Variants in SPATA31D1 observed in about 807,000 individuals in gnomAD.
The protein encoded by SPATA31D1 is SPATA31 subfamily D member 1.
Under a neutral mutation model 13.2 loss-of-function variants are expected in SPATA31D1, and 6 were observed. That is an observed-to-expected ratio of 0.46 (90% CI 0.25 to 0.90). SPATA31D1 has a LOEUF of 0.90. Ranked by LOEUF, SPATA31D1 falls within the 40% of genes least tolerant of loss-of-function variation. The pLI, the probability that SPATA31D1 is intolerant of heterozygous loss-of-function variation, is 0.18. For synonymous variants in SPATA31D1, 903 were observed against 718.8 expected, an observed-to-expected ratio of 1.26 and a Z score of -4.10; for missense variants, 2,445 against 1,884.7, an observed-to-expected ratio of 1.30 and a Z score of -5.50.
chr9:81,987,999 T>G (rs1824884702), upstream of SPATA31D1, among the ~76,000 whole-genome samples: 1 of 152,182 alleles, frequency 6.6e-6, no homozygotes, highest in African/African-American at 2.4e-5. Flanking sequence ...TAAACAGAAC[T>G]GTGCATGCGG....
intron 1 of SPATA31D1, 87 bp from the exon 2 acceptor site, chr9:81,989,691 T>A: frequency 7.9e-7 from 1 of 1,269,064 alleles, no homozygotes; most frequent in East Asian, 2.4e-5. Context: ...GTATAATGAA[T>A]GAATGAATGA....
chr9:81,990,828 T>A lies in SPATA31D1; in HGVS notation c.358T>A (p.Phe120Ile), dbSNP rs201973001. Reference sequence around the variant, plus strand: ...GGGCCAGCATCATGATACCAACCACTTTCGTCGACTGTTATGCCCAGACCC... The same window carrying A: ...GGGCCAGCATCATGATACCAACCACATTCGTCGACTGTTATGCCCAGACCC... ...PRGQHHDTNH[F>I]RRLLCPDPVC... The change falls in exon 4 of 4, where the codon TTT becomes ATT. Residue 120 changes from phenylalanine to isoleucine, a missense_variant. Transcript: ENST00000344803. 7.6e-4 allele frequency: 1,228 copies of A among 1,613,828 alleles called. 13 individuals carry two copies. Among genetic ancestry groups the A allele is most frequent in the Non-Finnish European group, 1.5e-4 (182 of 1,179,808 alleles).
intron 3 of SPATA31D1, 95 bp from the exon 4 acceptor site, chr9:81,990,678 G>C (rs1824934353): frequency 2.0e-6 from 3 of 1,472,574 alleles, no homozygotes; most frequent in Middle Eastern, 1.8e-4. Context: ...GTGAGGTCCT[G>C]GGTTGGGGGC....
chr9:81,990,711 T>C (rs1373929234), intron 3 of SPATA31D1, 62 bp from the exon 4 acceptor site: 4 of 1,543,278 alleles, frequency 2.6e-6, no homozygotes, highest in African/African-American at 1.4e-5. Flanking sequence ...GCAGCAGGCT[T>C]TAGGGAACCC....
chr9:81,993,141 G>A lies in SPATA31D1; in HGVS notation c.2671G>A (p.Glu891Lys). The A allele has an allele frequency of 6.2e-7, 1 of 1,613,952 alleles. No individual in the cohort carries two copies. The highest frequency in any genetic ancestry group is 8.5e-7 in the Non-Finnish European group (1 of 1,179,874). The change falls in exon 4 of 4, where the codon GAA becomes AAA. Residue 891 changes from glutamate to lysine, a missense_variant. Physicochemically the swap from Glu to Lys is moderately conservative, Grantham distance 56 (BLOSUM62 1). Coordinates refer to ENST00000344803, the MANE Select transcript of SPATA31D1 (RefSeq NM_001001670.3). ...GGACCACTGCGTTGATACTTCCCAG[G>A]AAATTTCCTTCCTTAGTTCCAACAA... is the stretch of plus-strand genomic sequence containing the variant. Reference protein sequence around the residue: ...SEDHCVDTSQEISFLSSNKQK... With the variant: ...SEDHCVDTSQKISFLSSNKQK...
chr9:81,992,633 G>A lies in SPATA31D1; in HGVS notation c.2163G>A (p.Glu721=). The A allele has an allele frequency of 6.2e-7, 1 of 1,613,638 alleles. No individual in the cohort carries two copies. The highest frequency in any genetic ancestry group is 8.5e-7 in the Non-Finnish European group (1 of 1,179,738). The stretch of plus-strand genomic sequence containing the variant: ...TACGTCCTCAGAGCAAAATTTCAGA[G>A]CTATCTGTGTCAGAGAGAATTCATG... ...SLLRPQSKIS[E]LSVSERIHGP... Residue 721 remains glutamate (E), a synonymous_variant, in exon 4 of 4, where the codon GAG becomes GAA. Coordinates refer to ENST00000344803, the MANE Select transcript of SPATA31D1 (RefSeq NM_001001670.3).
chr9:81,990,694 G>C, intron 3 of SPATA31D1, 79 bp from the exon 4 acceptor site: 1 of 1,515,416 alleles, frequency 6.6e-7, no homozygotes, highest in Non-Finnish European at 8.9e-7. Context: ...GGGGCAATGT[G>C]ATATGGGCAG....
Position 81,991,017 on chromosome 9 carries a change from G to A in SPATA31D1, c.547G>A (p.Asp183Asn), listed in dbSNP as rs1824943829. ...CACCCCCTCAGCAACCCCTCCAGAA[G>A]ACCTAATACTGTCCCCTCGGCCTAA... Reference protein sequence around the residue: ...ASTPSATPPEDLILSPRPKAS... With the variant: ...ASTPSATPPENLILSPRPKAS... The change falls in exon 4 of 4, where the codon GAC becomes AAC. Residue 183 changes from aspartate (D) to asparagine (N), a missense_variant. Asp to Asn is a conservative substitution (Grantham distance 23, BLOSUM62 1). Coordinates refer to ENST00000344803, the MANE Select transcript of SPATA31D1 (RefSeq NM_001001670.3). The A allele has an allele frequency of 2.5e-6, 4 of 1,613,636 alleles. No individual in the cohort carries two copies. In the East Asian group the frequency reaches 6.7e-5, roughly 27 times the overall value.
At position 81,992,594 on chromosome 9, in the gene SPATA31D1, G is replaced by A; in HGVS notation, c.2124G>A (p.Glu708=). The change falls in exon 4 of 4, where the codon GAG becomes GAA. Residue 708 remains glutamate, a synonymous_variant. Transcript: ENST00000344803. ...GGGGCCTGCCCCGCAGAATCCATGA[G>A]TCTCTGTCATTGCTACGTCCTCAGA... ...RRWGLPRRIH[E]SLSLLRPQSK... The A allele has an allele frequency of 1.2e-6, 2 of 1,612,614 alleles. No homozygotes were observed. The highest frequency in any genetic ancestry group is 1.7e-6 in the Non-Finnish European group (2 of 1,179,728).
chr9:81,994,841 T>A lies in SPATA31D1; in HGVS notation c.4371T>A (p.Cys1457Ter). The A allele has an allele frequency of 6.2e-7, 1 of 1,613,952 alleles. No homozygotes were observed. Among genetic ancestry groups the A allele is most frequent in the Non-Finnish European group, 8.5e-7 (1 of 1,179,874 alleles). Residue 1457 changes from cysteine (C) to a stop codon, truncating the protein, a stop_gained, in exon 4 of 4, where the codon TGT (cysteine) becomes TGA (stop). Transcript: ENST00000344803. LOFTEE classifies it low-confidence loss of function (END_TRUNC). ...VHVRAEPVQG[C>*]PCNYRAPSCK... ...TCAGAGCAGAGCCTGTCCAGGGCTGTCCCTGCAACTACAGGGCTCCCTCCT... is the reference window on the plus strand; with the variant it reads ...TCAGAGCAGAGCCTGTCCAGGGCTGACCCTGCAACTACAGGGCTCCCTCCT...
At chr9:81,988,650 A>G (rs1587525645), upstream of SPATA31D1, 2 of 1,035,894 alleles carry the variant, frequency 1.9e-6, no homozygotes, top group East Asian at 2.6e-5. Flanking sequence ...CAGGAGAGTC[A>G]GCTGGGCTGG....
In SPATA31D1 at chr9:81,995,183, A is replaced by G. The variant is rs1352524384; in HGVS notation, c.4713A>G (p.Lys1571=). The G allele has an allele frequency of 3.9e-6, 6 of 1,529,342 alleles. No individual in the cohort carries two copies. The South Asian group carries it at 4.9e-5, about 12-fold the overall frequency. 94.7% of individuals were successfully genotyped at this position (1,529,342 alleles called of 1,614,324 possible). A position where few individuals can be genotyped will look rare whatever the true frequency, so the allele number is the denominator to read the frequency against. ...TTCCAAAGCATTTACAGGGAGGAAA[A>G]TTTCCCCCCACAAAATAATTCACTC... ...KMLPKHLQGG[K]FPPTK is the part of the protein sequence containing the mutation. Residue 1571 remains lysine (K), a synonymous_variant, in exon 4 of 4, where the codon AAA becomes AAG. Coordinates refer to ENST00000344803, the MANE Select transcript of SPATA31D1 (RefSeq NM_001001670.3).
In SPATA31D1 at chr9:81,994,580, A is replaced by T; in HGVS notation, c.4110A>T (p.Glu1370Asp). The T allele has an allele frequency of 6.2e-7, 1 of 1,612,998 alleles. No individual in the cohort carries two copies. The highest frequency in any genetic ancestry group is 1.1e-5 in the South Asian group (1 of 90,836). ...ATAAACCCAGCATATCATATGAAGA[A>T]CAAGAAAGTTCCTGGGAAAAGGGTA... ...WFNKPSISYE[E>D]QESSWEKGSS... Residue 1370 changes from glutamate to aspartate, a missense_variant, in exon 4 of 4, where the codon GAA becomes GAT. Transcript: ENST00000344803.
At position 81,993,949 on chromosome 9, in the gene SPATA31D1, A is replaced by T. The variant is rs201502400; in HGVS notation, c.3479A>T (p.Asn1160Ile). 6.2e-7 allele frequency: 1 copy of T among 1,613,932 alleles called. No individual in the cohort carries two copies. Among genetic ancestry groups the T allele is most frequent in the East Asian group, 2.2e-5 (1 of 44,884 alleles). ...TNALQSQTRN[N>I]LTTSKSGSCS... ...GCTCTTCAATCACAAACTAGGAACA[A>T]CTTGACAACCAGCAAGTCAGGAAGC... Residue 1160 changes from asparagine (N) to isoleucine (I), a missense_variant, in exon 4 of 4, where the codon AAC becomes ATC. Asn to Ile is a moderately radical substitution (Grantham distance 149, BLOSUM62 -3). Coordinates refer to ENST00000344803, the MANE Select transcript of SPATA31D1 (RefSeq NM_001001670.3).
At chr9:81,990,054 C>T (rs1205827877) in intron 2 of SPATA31D1, 2 of 545,034 alleles carry the variant, frequency 3.7e-6, no homozygotes, top group African/African-American at 1.9e-5. Flanking sequence ...ATGGGTGTTG[C>T]CCAATTGGTG....
Position 81,991,426 on chromosome 9 carries a change from C to T in SPATA31D1, c.956C>T (p.Thr319Ile), listed in dbSNP as rs767131278. The T allele has an allele frequency of 1.1e-5, 17 of 1,614,056 alleles. No individual in the cohort carries two copies. The highest frequency in any genetic ancestry group is 9.9e-5 in the South Asian group (9 of 91,076). Residue 319 changes from threonine to isoleucine, a missense_variant, in exon 4 of 4, where the codon ACC (threonine) becomes ATC (isoleucine). Transcript: ENST00000344803. ...CTVTQSKSSL[T>I]ILKTFPEMLS... ...GTGACTCAGTCTAAATCAAGTCTCA[C>T]CATCTTGAAGACTTTTCCGGAAATG...
rs1236950980 is a variant in SPATA31D1, at chr9:81,993,354, A to G, written c.2884A>G (p.Lys962Glu). Residue 962 changes from lysine (K) to glutamate (E), a missense_variant, in exon 4 of 4, where the codon AAG (lysine) becomes GAG (glutamate). By Grantham distance (56) the Lys-to-Glu change is moderately conservative. Coordinates refer to ENST00000344803, the MANE Select transcript of SPATA31D1 (RefSeq NM_001001670.3). ...SQGDSKDGVS[K>E]SRSRSTFQGE... ...GGGAGATTCCAAAGATGGGGTCTCTAAGTCCCGTAGTCGAAGCACTTTTCA... is the reference window on the plus strand; with the variant it reads ...GGGAGATTCCAAAGATGGGGTCTCTGAGTCCCGTAGTCGAAGCACTTTTCA... The G allele has an allele frequency of 5.0e-6, 8 of 1,613,978 alleles. No homozygotes were observed. The highest frequency in any genetic ancestry group is 1.7e-5 in the Admixed American group (1 of 60,020).
chr9:81,990,378 G>C, intron 2 of SPATA31D1, 39 bp from the exon 3 acceptor site: 1 of 1,486,344 alleles, frequency 6.7e-7, no homozygotes, highest in Non-Finnish European at 9.2e-7. Flanking sequence ...TGTATGAGCC[G>C]TGTGCCTCTA....
At position 81,991,125 on chromosome 9, in the gene SPATA31D1, G is replaced by A. The variant is rs771646286; in HGVS notation, c.655G>A (p.Asp219Asn). Residue 219 changes from aspartate (D) to asparagine (N), a missense_variant, in exon 4 of 4, where the codon GAC (aspartate) becomes AAC (asparagine). Transcript: ENST00000344803. ...CTTATTTTCACCCTCACCACTGAGG[G>A]ACCCTCTGCCACCACAGCCTGTTTC... is the stretch of plus-strand genomic sequence containing the variant. ...ADLFSPSPLR[D>N]PLPPQPVSPL... 42 of 1,613,476 alleles carry A rather than the reference G, an allele frequency of 2.6e-5. No homozygotes were observed. The highest frequency in any genetic ancestry group is 2.8e-5 in the Non-Finnish European group (33 of 1,179,710).
Sources: gnomAD v4.1 joint callset for allele counts (sites outside exome capture counted in the v4.1 genomes callset) on GRCh38, gnomAD v4.1.1 for gene constraint, MANE v1.5 for transcripts, NCBI Gene and HGNC (gene_info 2026-07-23, HGNC 2026-07-21) for gene names.